Variants in CADM2 observed in about 807,000 individuals in gnomAD.
CADM2 encodes immunoglobulin superfamily member 4D.
A neutral mutation model predicts 49.8 loss-of-function variants in CADM2; 12 were observed. The ratio of observed to expected loss-of-function variants is 0.24; its 90% CI spans 0.15 to 0.39. The LOEUF (loss-of-function observed/expected upper bound fraction) is 0.39, where lower values mean the gene tolerates loss of function less well. Among genes scored for constraint, CADM2 ranks in the 10% least tolerant of loss-of-function variants. CADM2 has a pLI of 1.00. For synonymous variants in CADM2, 214 were observed against 175.4 expected (o/e 1.22, Z -1.74); for missense variants, 378 against 492.3 (o/e 0.77, Z 2.20).
At chr3:85,384,612 C>A (rs1385646290) in intron 1 of CADM2, among the ~76,000 whole-genome samples, 1 of 151,706 alleles carries the variant, frequency 6.6e-6, no homozygotes, top group Non-Finnish European at 1.5e-5. Context: ...CCGCGCCCGC[C>A]CTCCTTTTCT....
intron 1 of CADM2, among the ~76,000 whole-genome samples, chr3:85,014,552 A>T (rs549087832): frequency 6.6e-6 from 1 of 152,320 alleles, no homozygotes; most frequent in East Asian, 1.9e-4. Flanking sequence ...TATATCTTCC[A>T]TGAATGAGAG....
chr3:85,966,628 A>G (rs1725509105), intron 8 of CADM2, among the ~76,000 whole-genome samples: 2 of 151,604 alleles, frequency 1.3e-5, no homozygotes, highest in Non-Finnish European at 3.0e-5. Context: ...CAACCATGTA[A>G]GATAAGTAAA....
chr3:85,228,057 T>G (rs1174827986), intron 1 of CADM2, among the ~76,000 whole-genome samples: 1 of 152,196 alleles, frequency 6.6e-6, no homozygotes, highest in Non-Finnish European at 1.5e-5. Flanking sequence ...GCACTTAACA[T>G]TTTTTCCTTC....
At chr3:85,165,322 G>A (rs1173084758) in intron 1 of CADM2, among the ~76,000 whole-genome samples, 5 of 151,796 alleles carry the variant, frequency 3.3e-5, no homozygotes, top group Non-Finnish European at 7.4e-5. Context: ...TATAGATAAA[G>A]CTAAATATAT....
At chr3:85,207,868 A>G (rs1255448641) in intron 1 of CADM2, among the ~76,000 whole-genome samples, 1 of 152,154 alleles carries the variant, frequency 6.6e-6, no homozygotes, top group East Asian at 1.9e-4. Context: ...GTTTTTAATC[A>G]GGGCATAAGA....
chr3:85,958,995 C>G (rs1328857827), intron 7 of CADM2, among the ~76,000 whole-genome samples: 2 of 151,324 alleles, frequency 1.3e-5, no homozygotes, highest in Non-Finnish European at 2.9e-5. Context: ...CCTGCATGTT[C>G]TACACATGTT....
intron 1 of CADM2, among the ~76,000 whole-genome samples, chr3:85,277,759 GT>G (rs1348038726): frequency 6.6e-6 from 1 of 151,188 alleles, no homozygotes; most frequent in Non-Finnish European, 1.5e-5. Flanking sequence ...TTTATAGTAT[GT>G]TTGCCTTTTA....
At chr3:85,757,334 C>A (rs983341233) in intron 2 of CADM2, among the ~76,000 whole-genome samples, 2 of 152,094 alleles carry the variant, frequency 1.3e-5, no homozygotes, top group Admixed American at 6.6e-5. Context: ...TTACGAAAGA[C>A]AAATATTAAG....
chr3:85,783,028 G>A (rs184625876), intron 2 of CADM2, among the ~76,000 whole-genome samples: 1 of 152,136 alleles, frequency 6.6e-6, no homozygotes, highest in East Asian at 1.9e-4. Context: ...TCAAAACAGG[G>A]CCCAATATTA....
chr3:85,723,076 C>G (rs533965020), intron 1 of CADM2, among the ~76,000 whole-genome samples: 1 of 152,134 alleles, frequency 6.6e-6, no homozygotes, highest in Non-Finnish European at 1.5e-5. Flanking sequence ...ATTATTTTAT[C>G]ATTCACATGA....
intron 1 of CADM2, among the ~76,000 whole-genome samples, chr3:85,076,805 G>A (rs1387284995): frequency 6.6e-6 from 1 of 151,824 alleles, no homozygotes; most frequent in African/African-American, 2.4e-5. Context: ...AACTCCATCT[G>A]TACTAAAAAT....
intron 1 of CADM2, among the ~76,000 whole-genome samples, chr3:85,704,066 C>T (rs2066863809): frequency 6.6e-6 from 1 of 152,188 alleles, no homozygotes; most frequent in Admixed American, 6.5e-5. Flanking sequence ...ATCCACTCAT[C>T]AAAACTGCAC....
intron 2 of CADM2, among the ~76,000 whole-genome samples, chr3:85,777,187 C>T (rs1431215239): frequency 1.3e-5 from 2 of 151,496 alleles, no homozygotes; most frequent in Non-Finnish European, 2.9e-5. Flanking sequence ...TTATGACATT[C>T]TCATGGTATT....
chr3:85,279,444 T>C (rs1315268512), intron 1 of CADM2, among the ~76,000 whole-genome samples: 1 of 151,582 alleles, frequency 6.6e-6, no homozygotes. Flanking sequence ...AGTGGGTCTA[T>C]ATTCAGCTTT....
At chr3:85,191,509 C>G (rs1657596794) in intron 1 of CADM2, among the ~76,000 whole-genome samples, 1 of 151,982 alleles carries the variant, frequency 6.6e-6, no homozygotes, top group South Asian at 2.1e-4. Context: ...AAAATTGGGA[C>G]ACTAATAAAT....
chr3:85,409,540 T>C (rs1350229138), intron 1 of CADM2, among the ~76,000 whole-genome samples: 1 of 152,106 alleles, frequency 6.6e-6, no homozygotes, highest in Non-Finnish European at 1.5e-5. Flanking sequence ...ATTCAAATTT[T>C]ATATTGCCAC....
chr3:85,877,684 G>GTTTTT lies in CADM2; in HGVS notation c.239-5592_239-5588dup, dbSNP rs368101272. On this transcript the variant is annotated intron_variant, in intron 3 of 9. Transcript: ENST00000383699. ...CTAAATGGAACATTTTTTTTCTTCT[G>GTTTTT]TTTTTTTTTTTTTTTTTTTGGTTTT... 8.4e-3 allele frequency among the ~76,000 whole-genome samples: 936 copies of GTTTTT among 111,822 alleles called. 10 individuals carry two copies. The highest frequency in any genetic ancestry group is 0.029 in the African/African-American group (866 of 29,780). 73.4% of individuals were successfully genotyped at this position (111,822 alleles called of 152,430 possible). A position where few individuals can be genotyped will look rare whatever the true frequency, so the allele number is the denominator to read the frequency against.
At chr3:85,353,872 T>C (rs1016231932) in intron 1 of CADM2, among the ~76,000 whole-genome samples, 2 of 152,074 alleles carry the variant, frequency 1.3e-5, no homozygotes, top group Admixed American at 1.3e-4. Context: ...ATCAACTTTG[T>C]TTCAAATAAA....
chr3:85,911,099 G>T (rs914838080), intron 5 of CADM2, among the ~76,000 whole-genome samples: 1 of 151,972 alleles, frequency 6.6e-6, no homozygotes, highest in African/African-American at 2.4e-5. Context: ...TATGTGAAAG[G>T]TCTTATTTAC....
Sources: gnomAD v4.1 joint callset for allele counts (sites outside exome capture counted in the v4.1 genomes callset) on GRCh38, gnomAD v4.1.1 for gene constraint, MANE v1.5 for transcripts, NCBI Gene and HGNC (gene_info 2026-07-23, HGNC 2026-07-21) for gene names.